Variants in NCMAP observed in about 807,000 individuals in gnomAD.
NCMAP encodes noncompact myelin-associated protein.
NCMAP carries 8 observed loss-of-function variants against 7.8 expected under a neutral mutation model. The observed-to-expected ratio is 1.02, with a 90% CI of 0.60 to 1.84. The LOEUF (loss-of-function observed/expected upper bound fraction) is 1.84. Ranked by LOEUF, NCMAP falls within the 40% of genes most tolerant of loss-of-function variation. NCMAP has a pLI of 0.00. For missense variants in NCMAP, 112 were observed against 131.4 expected (o/e 0.85, Z 0.72); for synonymous variants, 41 against 52.9 (o/e 0.78, Z 0.98).
At chr1:24,581,648 T>C (rs1278612849) in intron 1 of NCMAP, among the ~76,000 whole-genome samples, 1 of 152,170 alleles carries the variant, frequency 6.6e-6, no homozygotes, top group Non-Finnish European at 1.5e-5. Flanking sequence ...GCGCACTTCC[T>C]CTAGTCTGTA....
intron 3 of NCMAP, 136 bp downstream of exon 3, chr1:24,601,160 G>T: frequency 1.5e-6 from 1 of 673,940 alleles, no homozygotes. Flanking sequence ...TAACCCTTGG[G>T]GATCCTTTTT....
intron 1 of NCMAP, among the ~76,000 whole-genome samples, chr1:24,592,330 C>T (rs767291025): frequency 2.0e-5 from 3 of 152,106 alleles, no homozygotes; most frequent in Non-Finnish European, 4.4e-5. Context: ...ATGAGCTTCC[C>T]AAGGCAAGGA....
chr1:24,570,635 G>T (rs933336971), intron 1 of NCMAP, among the ~76,000 whole-genome samples: 1 of 151,014 alleles, frequency 6.6e-6, no homozygotes, highest in South Asian at 2.1e-4. Context: ...ATGACCCCAT[G>T]GTGCCATTCA....
At chr1:24,560,393 A>T (rs1405347225) in intron 1 of NCMAP, among the ~76,000 whole-genome samples, 2 of 152,204 alleles carry the variant, frequency 1.3e-5, no homozygotes, top group Non-Finnish European at 2.9e-5. Flanking sequence ...GGTTTCGTGC[A>T]CACCCTGGAA....
chr1:24,558,619 C>T (rs947638564), intron 1 of NCMAP, among the ~76,000 whole-genome samples: 5 of 152,154 alleles, frequency 3.3e-5, no homozygotes, highest in African/African-American at 7.2e-5. Flanking sequence ...GAGAAAGTGA[C>T]GTCCAAGCTG....
intron 1 of NCMAP, among the ~76,000 whole-genome samples, chr1:24,584,970 T>A (rs1172578964): frequency 6.5e-4 from 1 of 1,550 alleles, no homozygotes; most frequent in Non-Finnish European, 1.4e-3. Context: ...AGTGAGTGGG[T>A]GGGCGGGTGG....
At chr1:24,573,969 A>AAAAAAAAAAAAAAAAC (rs1274825221) in intron 1 of NCMAP, among the ~76,000 whole-genome samples, 1 of 136,866 alleles carries the variant, frequency 7.3e-6, no homozygotes, top group Non-Finnish European at 1.6e-5. Context: ...AAAAAAAAAA[A>AAAAAAAAAAAAAAAAC]AACAGAAAAA....
chr1:24,577,860 G>A (rs1651630745), intron 1 of NCMAP, among the ~76,000 whole-genome samples: 1 of 148,420 alleles, frequency 6.7e-6, no homozygotes, highest in Admixed American at 6.7e-5. Flanking sequence ...GCCGGGGGTC[G>A]GGGGTCTTAC....
intron 1 of NCMAP, among the ~76,000 whole-genome samples, chr1:24,579,803 C>T (rs1170191187): frequency 1.3e-5 from 2 of 152,202 alleles, no homozygotes; most frequent in Non-Finnish European, 2.9e-5. Context: ...CAACTAGCAG[C>T]CTCTCCATAG....
intron 1 of NCMAP, among the ~76,000 whole-genome samples, chr1:24,569,427 C>A (rs1262208408): frequency 2.0e-5 from 3 of 150,634 alleles, no homozygotes; most frequent in Non-Finnish European, 2.9e-5. Flanking sequence ...ATTCCCACCC[C>A]CTCCTCCCCA....
chr1:24,599,460 T>A (rs1396709146), intron 2 of NCMAP, among the ~76,000 whole-genome samples: 1 of 152,176 alleles, frequency 6.6e-6, no homozygotes, highest in African/African-American at 2.4e-5. Context: ...GAACAGATTG[T>A]GGTACACCCA....
At chr1:24,601,836 G>C (rs529352663) in intron 3 of NCMAP, among the ~76,000 whole-genome samples, 2 of 152,022 alleles carry the variant, frequency 1.3e-5, no homozygotes, top group Admixed American at 6.5e-5. Flanking sequence ...GTCAGGAGAT[G>C]GAGACCATCC....
chr1:24,563,265 T>C (rs1396004525), intron 1 of NCMAP, among the ~76,000 whole-genome samples: 1 of 150,980 alleles, frequency 6.6e-6, no homozygotes, highest in Non-Finnish European at 1.5e-5. Context: ...CTTGCGCCTG[T>C]AATCCCAGCA....
In NCMAP at chr1:24,572,646, G is replaced by A. The variant is rs546408490; in HGVS notation, c.-8+16477G>A. Among the ~76,000 whole-genome samples, 3 of 150,540 alleles carry A rather than the reference G, an allele frequency of 2.0e-5. No homozygotes were observed. The South Asian group carries it at 6.2e-4, about 31-fold the overall frequency. ...CCACTGCTCAGCCCCCTCCTCCTAG[G>A]AGTACACAGGCCCCCTGGAGAGCTC... On this transcript the variant is annotated intron_variant, in intron 1 of 3. Coordinates refer to ENST00000374392, the MANE Select transcript of NCMAP (RefSeq NM_001010980.5).
intron 1 of NCMAP, among the ~76,000 whole-genome samples, chr1:24,568,659 CAG>C (rs1259141992): frequency 6.6e-6 from 1 of 152,210 alleles, no homozygotes; most frequent in African/African-American, 2.4e-5. Context: ...GATGAAGGCA[CAG>C]AGAGGTTAAG....
At chr1:24,598,745 C>A (rs1652346494) in intron 2 of NCMAP, among the ~76,000 whole-genome samples, 1 of 151,568 alleles carries the variant, frequency 6.6e-6, no homozygotes, top group South Asian at 2.1e-4. Context: ...TCAAGCGATT[C>A]TCGTGCCTCA....
At chr1:24,593,182 GAA>G (rs11331272) in intron 1 of NCMAP, among the ~76,000 whole-genome samples, 14 of 137,814 alleles carry the variant, frequency 1.0e-4, no homozygotes, top group Admixed American at 2.9e-4. Context: ...TACCTCAAAA[GAA>G]AAAAAAAAAA....
intron 1 of NCMAP, among the ~76,000 whole-genome samples, chr1:24,556,424 T>C (rs1255801082): frequency 6.6e-6 from 1 of 152,142 alleles, no homozygotes; most frequent in Non-Finnish European, 1.5e-5. Flanking sequence ...CGAGGTCGTT[T>C]CCTTGTCCCC....
intron 1 of NCMAP, among the ~76,000 whole-genome samples, chr1:24,564,235 C>T (rs991925140): frequency 2.0e-5 from 3 of 151,938 alleles, no homozygotes; most frequent in South Asian, 2.1e-4. Flanking sequence ...AGAGGCCAGG[C>T]GCAGTGGCTC....
Sources: allele counts gnomAD v4.1 joint callset (sites outside exome capture counted in the v4.1 genomes callset), GRCh38; gene constraint gnomAD v4.1.1; transcripts MANE v1.5; gene names NCBI Gene and HGNC (gene_info 2026-07-23, HGNC 2026-07-21).